GALNT10: variants seen among roughly 807,000 people sequenced by gnomAD.
GALNT10 encodes the protein polypeptide N-acetylgalactosaminyltransferase 10.
A neutral mutation model predicts 75.0 loss-of-function variants in GALNT10; 41 were observed. The observed-to-expected ratio is 0.55, with a 90% CI of 0.43 to 0.71. The LOEUF is 0.71. Ranked by LOEUF, GALNT10 falls within the 30% of genes least tolerant of loss-of-function variation. GALNT10 has a pLI of 0.00. For synonymous variants in GALNT10, 302 were observed against 313.0 expected (o/e 0.96, Z 0.37); for missense variants, 727 against 818.5 (o/e 0.89, Z 1.36).
At chr5:154,273,068 G>A (rs1010557216) in intron 1 of GALNT10, among the ~76,000 whole-genome samples, 1 of 152,186 alleles carries the variant, frequency 6.6e-6, no homozygotes, top group Non-Finnish European at 1.5e-5. Context: ...AGGAAGACTG[G>A]GACTAGGGAG....
intron 3 of GALNT10, among the ~76,000 whole-genome samples, chr5:154,308,193 A>G (rs543585189): frequency 6.6e-6 from 1 of 151,930 alleles, no homozygotes; most frequent in South Asian, 2.1e-4. Context: ...TGTAGTTGGA[A>G]AGGGATTTGT....
intron 4 of GALNT10, among the ~76,000 whole-genome samples, chr5:154,341,008 C>A (rs976981888): frequency 6.6e-6 from 1 of 152,084 alleles, no homozygotes; most frequent in African/African-American, 2.4e-5. Flanking sequence ...AGTTTAATTT[C>A]TTTTTTCCCT....
At chr5:154,357,688 G>A (rs567698990) in intron 4 of GALNT10, among the ~76,000 whole-genome samples, 38 of 152,176 alleles carry the variant, frequency 2.5e-4, no homozygotes, top group Non-Finnish European at 5.4e-4. Context: ...TCATTCCCAC[G>A]AGGCCACAGG....
intron 1 of GALNT10, among the ~76,000 whole-genome samples, chr5:154,245,682 A>G (rs1753410684): frequency 6.6e-6 from 1 of 152,168 alleles, no homozygotes; most frequent in Admixed American, 6.5e-5. Context: ...CTACCAGGTA[A>G]TGATGAAAAG....
chr5:154,291,664 C>A (rs1754196665), intron 1 of GALNT10, among the ~76,000 whole-genome samples: 1 of 152,220 alleles, frequency 6.6e-6, no homozygotes, highest in Non-Finnish European at 1.5e-5. Context: ...TCAGTAACAT[C>A]TACCATTGGC....
intron 1 of GALNT10, among the ~76,000 whole-genome samples, chr5:154,290,258 A>ATTT (rs71577131): frequency 0.12 from 11,618 of 98,302 alleles, 949 homozygotes; most frequent in Non-Finnish European, 0.14. Flanking sequence ...CACTCAGCTA[A>ATTT]TTTTTTTTTT....
rs1581989960 is a variant in GALNT10 at position 154,356,383 on chromosome 5, A to G, written c.569-19894A>G. The G allele has an allele frequency of 8.5e-6, 3 of 351,008 alleles. No homozygotes were observed. The East Asian group carries it at 2.4e-4, about 29-fold the overall frequency. 21.7% of individuals were successfully genotyped at this position (351,008 alleles called of 1,614,324 possible). A position where few individuals can be genotyped will look rare whatever the true frequency, so the allele number is the denominator to read the frequency against. On this transcript the variant is annotated intron_variant, in intron 4 of 11. Coordinates refer to ENST00000297107, the MANE Select transcript of GALNT10 (RefSeq NM_198321.4). ...GTACTGTGAGGGCTGGGGGTTGGGTATGAGAAAGGCTCTGGGAGAGGGATC... is the reference window on the plus strand; with the variant it reads ...GTACTGTGAGGGCTGGGGGTTGGGTGTGAGAAAGGCTCTGGGAGAGGGATC...
At chr5:154,247,980 C>T (rs1753456199) in intron 1 of GALNT10, among the ~76,000 whole-genome samples, 2 of 152,072 alleles carry the variant, frequency 1.3e-5, no homozygotes, top group African/African-American at 4.8e-5. Context: ...TTTTGAGATA[C>T]GTCCCATCAA....
At chr5:154,374,417 G>A (rs542822829) in intron 4 of GALNT10, among the ~76,000 whole-genome samples, 2 of 152,268 alleles carry the variant, frequency 1.3e-5, no homozygotes, top group East Asian at 3.9e-4. Flanking sequence ...GAAGTTCCTG[G>A]TGACAAAAAT....
chr5:154,227,290 T>C (rs1446067729), intron 1 of GALNT10, among the ~76,000 whole-genome samples: 1 of 152,252 alleles, frequency 6.6e-6, no homozygotes, highest in Non-Finnish European at 1.5e-5. Flanking sequence ...AGAATTTCAG[T>C]TTCCCCACAT....
chr5:154,270,148 T>C lies in GALNT10; in HGVS notation c.160-24668T>C, dbSNP rs183205652. The stretch of plus-strand genomic sequence containing the variant: ...ACTTGATAAATGCATGTCAGCTATC[T>C]GGCTTCAAACTGGAGCTTCTACAAA... On this transcript the variant is annotated intron_variant, in intron 1 of 11. Transcript: ENST00000297107. Among the ~76,000 whole-genome samples, 67 of 151,990 alleles carry C rather than the reference T, an allele frequency of 4.4e-4. No homozygotes were observed. In the East Asian group the frequency reaches 0.012, roughly 28 times the overall value.
intron 4 of GALNT10, among the ~76,000 whole-genome samples, chr5:154,363,775 G>A (rs112830250): frequency 7.9e-5 from 12 of 152,098 alleles, no homozygotes; most frequent in African/African-American, 2.4e-4. Context: ...GCTTCCTGAC[G>A]CTACCTCCTA....
intron 1 of GALNT10, among the ~76,000 whole-genome samples, chr5:154,234,947 C>G (rs973868982): frequency 2.0e-4 from 30 of 152,214 alleles, no homozygotes; most frequent in African/African-American, 7.2e-4. Context: ...CATCTGAGAT[C>G]TGCTGAGCCT....
intron 7 of GALNT10, among the ~76,000 whole-genome samples, chr5:154,390,383 A>G (rs898921579): frequency 6.6e-6 from 1 of 152,200 alleles, no homozygotes; most frequent in Non-Finnish European, 1.5e-5. Context: ...TCTGTAATCT[A>G]TAACCAGATG....
intron 1 of GALNT10, among the ~76,000 whole-genome samples, chr5:154,191,331 A>G (rs1342253535): frequency 2.0e-5 from 3 of 151,938 alleles, no homozygotes; most frequent in Non-Finnish European, 2.9e-5. Context: ...GAAGGATCCT[A>G]TCTGCATCCC....
rs963804016 is a variant in GALNT10 at position 154,302,940 on chromosome 5, A to G, written c.401+4861A>G. 3.9e-5 allele frequency among the ~76,000 whole-genome samples: 6 copies of G among 152,214 alleles called. 1 individual carries two copies. Among genetic ancestry groups the G allele is most frequent in the Admixed American group, 3.3e-4 (5 of 15,282 alleles). On this transcript the variant is annotated intron_variant, in intron 3 of 11. Coordinates refer to ENST00000297107, the MANE Select transcript of GALNT10 (RefSeq NM_198321.4). The stretch of plus-strand genomic sequence containing the variant: ...GAGTTATCACCTATTACCTTTGACA[A>G]ACATGTATTAAAAAATGACAACTTG...
chr5:154,198,721 C>T (rs1465661422), intron 1 of GALNT10, among the ~76,000 whole-genome samples: 2 of 152,146 alleles, frequency 1.3e-5, no homozygotes, highest in Non-Finnish European at 2.9e-5. Flanking sequence ...AGCTCATAGC[C>T]TGCTGCCTCC....
chr5:154,338,950 G>A (rs757318261), intron 4 of GALNT10, among the ~76,000 whole-genome samples: 7 of 152,200 alleles, frequency 4.6e-5, no homozygotes, highest in Non-Finnish European at 8.8e-5. Flanking sequence ...CGGCCAATAA[G>A]CATGGCACAA....
intron 3 of GALNT10, among the ~76,000 whole-genome samples, chr5:154,313,254 G>A (rs1754547841): frequency 6.6e-6 from 1 of 151,358 alleles, no homozygotes; most frequent in Non-Finnish European, 1.5e-5. Context: ...AGGTTGCAGT[G>A]AGTTGAAATC....
Sources: gnomAD v4.1 joint callset for allele counts (sites outside exome capture counted in the v4.1 genomes callset) on GRCh38, gnomAD v4.1.1 for gene constraint, MANE v1.5 for transcripts, NCBI Gene and HGNC (gene_info 2026-07-23, HGNC 2026-07-21) for gene names.